AKAP6: variants seen among roughly 807,000 people sequenced by gnomAD.
AKAP6 encodes the protein A-kinase anchor protein 6.
AKAP6 carries 58 observed loss-of-function variants against 188.5 expected under a neutral mutation model. The ratio of observed to expected loss-of-function variants is 0.31; its 90% CI spans 0.25 to 0.38. AKAP6 has a LOEUF of 0.38. Ranked by LOEUF, AKAP6 falls within the 10% of genes least tolerant of loss-of-function variation. AKAP6 has a pLI of 1.00. For synonymous variants in AKAP6, 989 were observed against 998.6 expected, an observed-to-expected ratio of 0.99 and a Z score of 0.18; for missense variants, 2,710 against 2,740.0, an observed-to-expected ratio of 0.99 and a Z score of 0.24.
At chr14:32,600,298 C>A (rs1020030378) in intron 6 of AKAP6, among the ~76,000 whole-genome samples, 1 of 152,078 alleles carries the variant, frequency 6.6e-6, no homozygotes, top group African/African-American at 2.4e-5. Flanking sequence ...ACACACAGAG[C>A]CTTTTATTTG....
At chr14:32,597,448 C>A (rs1885751239) in intron 5 of AKAP6, among the ~76,000 whole-genome samples, 1 of 152,208 alleles carries the variant, frequency 6.6e-6, no homozygotes, top group Non-Finnish European at 1.5e-5. Flanking sequence ...ACATGTATCT[C>A]ATTCTGCATG....
chr14:32,436,062 T>C (rs1890368573), intron 2 of AKAP6, among the ~76,000 whole-genome samples: 1 of 152,330 alleles, frequency 6.6e-6, no homozygotes, highest in Non-Finnish European at 1.5e-5. Context: ...AACAACCTTG[T>C]AGAAGCAGCT....
intron 7 of AKAP6, among the ~76,000 whole-genome samples, chr14:32,663,067 T>A (rs915338789): frequency 4.6e-5 from 7 of 152,162 alleles, no homozygotes; most frequent in Non-Finnish European, 8.8e-5. Context: ...TATAGGCTAA[T>A]TGATTTTTAT....
rs545209964 is a variant in AKAP6, at chr14:32,664,423, G to A, written c.2731-13888G>A. Among the ~76,000 whole-genome samples, 25 of 152,176 alleles carry A rather than the reference G, an allele frequency of 1.6e-4. 1 individual carries two copies. The highest frequency in any genetic ancestry group is 3.4e-3 in the Middle Eastern group (1 of 294). ...AAAATACTGTAGCTTCCTTTAACAT[G>A]TGATGAACTTGTAGAGAAAACTGAA... On this transcript the variant is annotated intron_variant, in intron 7 of 13. Transcript: ENST00000280979.
intron 7 of AKAP6, among the ~76,000 whole-genome samples, chr14:32,619,147 G>A (rs1173852177): frequency 2.6e-5 from 4 of 151,078 alleles, no homozygotes; most frequent in Admixed American, 6.6e-5. Flanking sequence ...TTACTCTGAT[G>A]ATTATTTCTT....
chr14:32,465,412 C>T (rs1878352842), intron 2 of AKAP6, among the ~76,000 whole-genome samples: 1 of 152,142 alleles, frequency 6.6e-6, no homozygotes, highest in African/African-American at 2.4e-5. Flanking sequence ...TGGAACAGAA[C>T]AGAGACCTCA....
At chr14:32,573,918 G>A (rs1257383717) in intron 4 of AKAP6, among the ~76,000 whole-genome samples, 1 of 152,140 alleles carries the variant, frequency 6.6e-6, no homozygotes, top group Non-Finnish European at 1.5e-5. Context: ...TCTCTTGATA[G>A]GGGGAGAGTA....
At chr14:32,665,370 A>T (rs890261068) in intron 7 of AKAP6, among the ~76,000 whole-genome samples, 6 of 152,134 alleles carry the variant, frequency 3.9e-5, no homozygotes, top group African/African-American at 1.4e-4. Flanking sequence ...ATGCTGGAGC[A>T]GCTCACAGAG....
At chr14:32,464,724 T>C (rs1325491704) in intron 2 of AKAP6, among the ~76,000 whole-genome samples, 1 of 152,152 alleles carries the variant, frequency 6.6e-6, no homozygotes, top group African/African-American at 2.4e-5. Flanking sequence ...CTATTCAACA[T>C]AGCACTGGAA....
intron 2 of AKAP6, among the ~76,000 whole-genome samples, chr14:32,524,514 A>G (rs1159585202): frequency 6.6e-6 from 1 of 152,138 alleles, no homozygotes; most frequent in East Asian, 1.9e-4. Context: ...TGTGTGTGAG[A>G]CAGTCATTTG....
At chr14:32,770,347 C>T (rs1053361918) in intron 11 of AKAP6, among the ~76,000 whole-genome samples, 9 of 152,112 alleles carry the variant, frequency 5.9e-5, no homozygotes, top group Non-Finnish European at 1.3e-4. Context: ...AAAGCACTTG[C>T]AATCCCTTTC....
chr14:32,370,874 C>G (rs1566469197), intron 1 of AKAP6, among the ~76,000 whole-genome samples: 2 of 152,166 alleles, frequency 1.3e-5, no homozygotes, highest in Admixed American at 6.5e-5. Context: ...TTCATGATTG[C>G]TCTTTCCTTG....
At chr14:32,452,351 C>T (rs61981143) in intron 2 of AKAP6, among the ~76,000 whole-genome samples, 31,901 of 152,086 alleles carry the variant, frequency 0.21, 4,332 homozygotes, top group Middle Eastern at 0.33. Flanking sequence ...TAATTTTTAA[C>T]GCTGCATATT....
chr14:32,802,954 C>G (rs1291006413), intron 12 of AKAP6, among the ~76,000 whole-genome samples: 1 of 150,064 alleles, frequency 6.7e-6, no homozygotes, highest in African/African-American at 2.5e-5. Flanking sequence ...AAAAATTAGC[C>G]AGGCGTGGTT....
At chr14:32,404,797 G>A (rs371809220) in intron 1 of AKAP6, among the ~76,000 whole-genome samples, 1 of 147,970 alleles carries the variant, frequency 6.8e-6, no homozygotes, top group African/African-American at 2.5e-5. Flanking sequence ...ATAAAGGTGT[G>A]GGCTGGGTAT....
chr14:32,526,973 A>G (rs548098866), intron 2 of AKAP6, among the ~76,000 whole-genome samples: 1 of 152,184 alleles, frequency 6.6e-6, no homozygotes, highest in East Asian at 1.9e-4. Flanking sequence ...TATCACCCCA[A>G]TTCCATAGTG....
chr14:32,545,584 A>C lies in AKAP6; in HGVS notation c.931A>C (p.Asn311His), dbSNP rs777383841. ...CGACAAAGGTGGATGTGAGGAAGAC[A>C]ATGCTTCTGCAGTCGAAGAGCAACC... Reference protein sequence around the residue: ...VDDKGGCEEDNASAVEEQPGL... With the variant: ...VDDKGGCEEDHASAVEEQPGL... The change falls in exon 4 of 14, where the codon AAT becomes CAT. Residue 311 changes from asparagine (N) to histidine (H), a missense_variant. Transcript: ENST00000280979. 1.2e-6 allele frequency: 2 copies of C among 1,614,190 alleles called. No individual in the cohort carries two copies. Among genetic ancestry groups the C allele is most frequent in the South Asian group, 2.2e-5 (2 of 91,084 alleles).
At chr14:32,490,720 GA>G (rs1239432568) in intron 2 of AKAP6, among the ~76,000 whole-genome samples, 15 of 152,162 alleles carry the variant, frequency 9.9e-5, no homozygotes, top group Non-Finnish European at 1.5e-4. Flanking sequence ...CAAAGACCTT[GA>G]GGGGGAAAAT....
intron 12 of AKAP6, among the ~76,000 whole-genome samples, chr14:32,804,412 G>A (rs141869876): frequency 6.6e-5 from 10 of 152,180 alleles, no homozygotes; most frequent in Middle Eastern, 3.4e-3. Flanking sequence ...CACGAAGCCC[G>A]CCTGAGTCTC....
Sources: allele counts gnomAD v4.1 joint callset (sites outside exome capture counted in the v4.1 genomes callset), GRCh38; gene constraint gnomAD v4.1.1; transcripts MANE v1.5; gene names NCBI Gene and HGNC (gene_info 2026-07-23, HGNC 2026-07-21).